Variants in CASP10 observed in about 807,000 individuals in gnomAD.
The protein encoded by CASP10 is caspase-10.
CASP10 carries 41 observed loss-of-function variants against 48.5 expected under a neutral mutation model. The ratio of observed to expected loss-of-function variants is 0.85; its 90% CI spans 0.66 to 1.10. The LOEUF (loss-of-function observed/expected upper bound fraction) is 1.10. CASP10 is among the 50% of genes least tolerant of loss of function. CASP10 has a pLI of 0.00. For missense variants in CASP10, 614 were observed against 614.5 expected (o/e 1.00, Z 0.01); for synonymous variants, 232 against 238.4 (o/e 0.97, Z 0.25).
chr2:201,207,854 G>A (rs41458448), intron 7 of CASP10, among the ~76,000 whole-genome samples: 5 of 151,864 alleles, frequency 3.3e-5, no homozygotes, highest in African/African-American at 4.8e-5. Context: ...CCGAGATCGC[G>A]TCACTCACTC....
chr2:201,201,068 A>T (rs950322042), intron 5 of CASP10, among the ~76,000 whole-genome samples: 2 of 151,520 alleles, frequency 1.3e-5, no homozygotes, highest in Non-Finnish European at 2.9e-5. Context: ...TTATTTATTT[A>T]TTTTTTTGAG....
chr2:201,194,880 A>G (rs970023149), intron 4 of CASP10, among the ~76,000 whole-genome samples: 46 of 151,076 alleles, frequency 3.0e-4, no homozygotes, highest in East Asian at 7.8e-4. Flanking sequence ...CCAGGTTCAC[A>G]CCATTCTTCC....
intron 8 of CASP10, among the ~76,000 whole-genome samples, chr2:201,208,692 T>C (rs1450939111): frequency 6.6e-6 from 1 of 152,234 alleles, no homozygotes; most frequent in African/African-American, 2.4e-5. Flanking sequence ...GTTTTTTTTT[T>C]CTTTGAGACA....
Position 201,185,866 on chromosome 2 carries a change from A to G in CASP10, c.89A>G (p.Asn30Ser). Reference sequence around the variant, plus strand: ...GAGAAGCTTCTGATTATTGATTCAAACCTGGGGGTCCAAGATGTGGAGAAC... The same window carrying G: ...GAGAAGCTTCTGATTATTGATTCAAGCCTGGGGGTCCAAGATGTGGAGAAC... ...FREKLLIIDS[N>S]LGVQDVENLK... The change falls in exon 2 of 10, where the codon AAC (asparagine) becomes AGC (serine). Residue 30 changes from asparagine (N) to serine (S), a missense_variant. Asn to Ser is a conservative substitution (Grantham distance 46, BLOSUM62 1). Coordinates refer to ENST00000286186, the MANE Select transcript of CASP10 (RefSeq NM_032977.4). The G allele has an allele frequency of 3.1e-6, 5 of 1,614,024 alleles. No individual in the cohort carries two copies. The highest frequency in any genetic ancestry group is 4.2e-6 in the Non-Finnish European group (5 of 1,179,948).
At position 201,205,865 on chromosome 2, in the gene CASP10, A is replaced by G. The variant is rs984268760; in HGVS notation, c.722-17A>G. ...GCTTGGGGAAGATATTTGGAGTCTG[A>G]GTACCTCTCTTTCTAGGTAACAGAG... On this transcript the variant is annotated splice_polypyrimidine_tract_variant and intron_variant, in intron 6 of 9. Coordinates refer to ENST00000286186, the MANE Select transcript of CASP10 (RefSeq NM_032977.4). The G allele has an allele frequency of 3.4e-6, 5 of 1,473,788 alleles. No individual in the cohort carries two copies. Among genetic ancestry groups the G allele is most frequent in the Non-Finnish European group, 4.8e-6 (5 of 1,052,368 alleles). 91.3% of individuals were successfully genotyped at this position (1,473,788 alleles called of 1,614,324 possible).
At position 201,221,270 on chromosome 2, in the gene CASP10, T is replaced by A; in HGVS notation, c.*3529T>A. ...CAGAAGGCCAGCTCTTGACTCTGAG[T>A]TCAGTTGGACAAAATGCTGTTGATA... On this transcript the variant is annotated 3_prime_UTR_variant, in exon 10 of 10. Transcript: ENST00000286186. 1 of 986,142 alleles carries A rather than the reference T, an allele frequency of 1.0e-6. No homozygotes were observed. The allele number at this position is 986,142 out of a possible 1,614,324, so 61.1% of individuals were successfully genotyped here.
chr2:201,208,321 T>G, intron 8 of CASP10, 138 bp downstream of exon 8: 1 of 1,419,166 alleles, frequency 7.0e-7, no homozygotes, highest in East Asian at 2.7e-5. Flanking sequence ...CTCTTATATA[T>G]CCCTGGGGAG....
intron 2 of CASP10, among the ~76,000 whole-genome samples, chr2:201,186,940 G>A (rs754805522): frequency 1.9e-4 from 29 of 152,100 alleles, no homozygotes; most frequent in Non-Finnish European, 3.8e-4. Context: ...CACGCACCTC[G>A]GCCTCCCAAA....
At chr2:201,203,325 GAGAC>G (rs1945087634) in intron 5 of CASP10, among the ~76,000 whole-genome samples, 1 of 79,650 alleles carries the variant, frequency 1.3e-5, no homozygotes, top group African/African-American at 5.0e-5. Context: ...TTTTTTTTTT[GAGAC>G]AGAGTCTTGC....
In CASP10 at chr2:201,221,241, G is replaced by A. The variant is rs1017738461; in HGVS notation, c.*3500G>A. ...CCCTCACTGGTTCGTGATGTCTACC[G>A]CAGCAGAAGGCCAGCTCTTGACTCT... On this transcript the variant is annotated 3_prime_UTR_variant, in exon 10 of 10. Transcript: ENST00000286186. 2 of 985,424 alleles carry A rather than the reference G, an allele frequency of 2.0e-6. No homozygotes were observed. The highest frequency in any genetic ancestry group is 2.4e-6 in the Non-Finnish European group (2 of 829,992). 61.0% of individuals were successfully genotyped at this position (985,424 alleles called of 1,614,324 possible).
chr2:201,202,729 C>T (rs1165981979), intron 5 of CASP10, among the ~76,000 whole-genome samples: 2 of 152,190 alleles, frequency 1.3e-5, no homozygotes, highest in African/African-American at 4.8e-5. Flanking sequence ...AGCTCTTCCC[C>T]AACACCTTGG....
At chr2:201,190,285 T>C (rs1038164400) in intron 3 of CASP10, among the ~76,000 whole-genome samples, 1 of 151,972 alleles carries the variant, frequency 6.6e-6, no homozygotes, top group Non-Finnish European at 1.5e-5. Context: ...TATATACACA[T>C]ATGTATACAC....
At chr2:201,201,159 C>CA (rs1468939709) in intron 5 of CASP10, among the ~76,000 whole-genome samples, 5 of 152,106 alleles carry the variant, frequency 3.3e-5, no homozygotes, top group African/African-American at 1.2e-4. Flanking sequence ...AAATGATTCT[C>CA]ATGCCTCAGC....
chr2:201,186,334 C>T (rs1436586421), intron 2 of CASP10: 5 of 549,664 alleles, frequency 9.1e-6, no homozygotes, highest in South Asian at 8.1e-5. Context: ...AAGCCCTGGG[C>T]CCAGAGGTGG....
In CASP10 at chr2:201,217,645, G is replaced by A. The variant is rs2126062098; in HGVS notation, c.1473G>A (p.Val491=). ...TAVNDDVSRR[V]DKQGTKKQMP... ...TCAACGATGATGTGAGTCGAAGAGT[G>A]GACAAACAGGGAACAAAGAAACAGA... The change falls in exon 10 of 10, where the codon GTG becomes GTA. Residue 491 remains valine (V), a synonymous_variant. Coordinates refer to ENST00000286186, the MANE Select transcript of CASP10 (RefSeq NM_032977.4). 2.5e-6 allele frequency: 4 copies of A among 1,614,154 alleles called. No individual in the cohort carries two copies. Among genetic ancestry groups the A allele is most frequent in the Non-Finnish European group, 3.4e-6 (4 of 1,180,018 alleles).
At chr2:201,185,059 A>G (rs1944366043) in intron 1 of CASP10, among the ~76,000 whole-genome samples, 1 of 152,078 alleles carries the variant, frequency 6.6e-6, no homozygotes, top group Non-Finnish European at 1.5e-5. Flanking sequence ...TGGCATGATC[A>G]TGGCTCACTG....
intron 5 of CASP10, among the ~76,000 whole-genome samples, chr2:201,196,883 C>T (rs1221136629): frequency 6.6e-6 from 1 of 152,154 alleles, no homozygotes; most frequent in African/African-American, 2.4e-5. Flanking sequence ...TACTTTCTCT[C>T]TCTATAAATT....
chr2:201,208,713 C>T (rs1157718359), intron 8 of CASP10, among the ~76,000 whole-genome samples: 1 of 151,972 alleles, frequency 6.6e-6, no homozygotes, highest in African/African-American at 2.4e-5. Flanking sequence ...GAGTCTTGCT[C>T]TGTTGCCCAG....
downstream of CASP10, among the ~76,000 whole-genome samples, chr2:201,222,475 C>T (rs1945738016): frequency 6.6e-6 from 1 of 152,148 alleles, no homozygotes; most frequent in Admixed American, 6.5e-5. Context: ...CTTTGGCCTC[C>T]CAATGGAATG....
Sources: gnomAD v4.1 joint callset for allele counts (sites outside exome capture counted in the v4.1 genomes callset) on GRCh38, gnomAD v4.1.1 for gene constraint, MANE v1.5 for transcripts, NCBI Gene and HGNC (gene_info 2026-07-23, HGNC 2026-07-21) for gene names.